Variants in LRFN5 observed in about 807,000 individuals in gnomAD.
LRFN5 encodes leucine-rich repeat and fibronectin type-III domain-containing protein 5.
In LRFN5, 24 loss-of-function variants were observed where a neutral mutation model predicts 45.6. The observed-to-expected ratio is 0.53, with a 90% confidence interval of 0.38 to 0.74. The LOEUF (loss-of-function observed/expected upper bound fraction) is 0.74, where lower values mean the gene tolerates loss of function less well. Among genes scored for constraint, LRFN5 ranks in the 30% least tolerant of loss-of-function variants. The pLI is 0.00. For synonymous variants in LRFN5, 340 were observed against 313.8 expected (o/e 1.08, Z -0.88); for missense variants, 776 against 861.5 (o/e 0.90, Z 1.24).
intron 1 of LRFN5, among the ~76,000 whole-genome samples, chr14:41,666,747 T>C (rs1372689706): frequency 6.6e-6 from 1 of 152,104 alleles, no homozygotes; most frequent in Non-Finnish European, 1.5e-5. Context: ...GAATATGAAG[T>C]TCTTTGGATG....
At chr14:41,843,662 C>G (rs192009835) in intron 2 of LRFN5, among the ~76,000 whole-genome samples, 48 of 152,106 alleles carry the variant, frequency 3.2e-4, no homozygotes, top group Non-Finnish European at 6.0e-4. Flanking sequence ...GCACCATTTA[C>G]CAAAAAGGCC....
intron 1 of LRFN5, chr14:41,731,837 A>C (rs1884192133): frequency 6.6e-6 from 1 of 152,216 alleles, no homozygotes; most frequent in Admixed American, 6.5e-5. Flanking sequence ...GGATATTCCA[A>C]ATTGGTGGTG....
Position 41,856,681 on chromosome 14 carries a change from T to TTATTTA in LRFN5, c.-20-29924_-20-29923insATTTAT, listed in dbSNP as rs1566486546. ...CCTAATTATTATTATTATTATTTTTTTTTTTTTTTTTTTGAGACGGAGTCT... is the reference window on the plus strand; with the variant it reads ...CCTAATTATTATTATTATTATTTTTTTATTTATTTTTTTTTTTTTGAGACGGAGTCT... On this transcript the variant is annotated intron_variant, in intron 2 of 5. Transcript: ENST00000298119. 4.2e-3 allele frequency among the ~76,000 whole-genome samples: 111 copies of TTATTTA among 26,258 alleles called. 5 individuals carry two copies. The highest frequency in any genetic ancestry group is 0.012 in the African/African-American group (88 of 7,570). The allele number at this position is 26,258 out of a possible 152,430, so 17.2% of individuals were successfully genotyped here.
At chr14:41,745,930 A>T (rs1884901385) in intron 1 of LRFN5, among the ~76,000 whole-genome samples, 1 of 152,094 alleles carries the variant, frequency 6.6e-6, no homozygotes, top group Non-Finnish European at 1.5e-5. Flanking sequence ...AATGAATTCT[A>T]CTAAACATTT....
In LRFN5 at chr14:41,686,355, G is replaced by C. The variant is rs1159942194; in HGVS notation, c.-197+77793G>C. On this transcript the variant is annotated intron_variant, in intron 1 of 5. Coordinates refer to ENST00000298119, the MANE Select transcript of LRFN5 (RefSeq NM_152447.5). ...TTGCTGAAGTTGCTTATCAGTTCAA[G>C]AAGTTCTGGGGCTGATACGATGGGG... 2.0e-5 allele frequency among the ~76,000 whole-genome samples: 3 copies of C among 152,132 alleles called. No individual in the cohort carries two copies. In the East Asian group the frequency reaches 5.8e-4, roughly 30 times the overall value.
chr14:41,663,157 A>T (rs1880734461), intron 1 of LRFN5, among the ~76,000 whole-genome samples: 1 of 152,134 alleles, frequency 6.6e-6, no homozygotes, highest in East Asian at 1.9e-4. Context: ...CTTTTTATTT[A>T]AAAAATGCTA....
intron 2 of LRFN5, among the ~76,000 whole-genome samples, chr14:41,846,634 A>G (rs942274581): frequency 6.6e-6 from 1 of 152,166 alleles, no homozygotes; most frequent in African/African-American, 2.4e-5. Flanking sequence ...TGTCATGTTT[A>G]TATTTTCTGC....
chr14:41,705,558 A>G (rs1290854027), intron 1 of LRFN5, among the ~76,000 whole-genome samples: 1 of 152,210 alleles, frequency 6.6e-6, no homozygotes, highest in Non-Finnish European at 1.5e-5. Context: ...TGATAGGATC[A>G]TATAAGACAT....
intron 2 of LRFN5, among the ~76,000 whole-genome samples, chr14:41,871,962 T>C (rs1890034704): frequency 6.6e-6 from 1 of 152,148 alleles, no homozygotes; most frequent in Non-Finnish European, 1.5e-5. Flanking sequence ...TTTACATTCT[T>C]ATAGTTAGGG....
At chr14:41,673,396 A>C (rs1594602241) in intron 1 of LRFN5, among the ~76,000 whole-genome samples, 2 of 118,748 alleles carry the variant, frequency 1.7e-5, no homozygotes, top group Admixed American at 8.3e-5. Flanking sequence ...CAGGGGGCTG[A>C]CCCGCCCCCC....
intron 2 of LRFN5, among the ~76,000 whole-genome samples, chr14:41,826,045 G>C (rs983154320): frequency 5.9e-5 from 9 of 152,142 alleles, no homozygotes; most frequent in African/African-American, 2.2e-4. Context: ...TTTAGTTCAA[G>C]TTGTGATGTT....
chr14:41,829,129 T>C (rs762299542), intron 2 of LRFN5, among the ~76,000 whole-genome samples: 3 of 151,982 alleles, frequency 2.0e-5, no homozygotes, highest in Non-Finnish European at 2.9e-5. Context: ...AGTACACTGC[T>C]TCTTCTTTAT....
chr14:41,637,226 G>A (rs1248626043), intron 1 of LRFN5, among the ~76,000 whole-genome samples: 1 of 152,066 alleles, frequency 6.6e-6, no homozygotes, highest in East Asian at 1.9e-4. Flanking sequence ...ATCCTAGTCA[G>A]GCTGTTTAAT....
intron 1 of LRFN5, among the ~76,000 whole-genome samples, chr14:41,727,426 A>G (rs1883983934): frequency 6.6e-6 from 1 of 151,792 alleles, no homozygotes; most frequent in South Asian, 2.1e-4. Context: ...CAGCAAAGCA[A>G]AAATCCGATC....
chr14:41,794,292 T>A (rs1357606742), intron 2 of LRFN5, among the ~76,000 whole-genome samples: 1 of 152,074 alleles, frequency 6.6e-6, no homozygotes, highest in Non-Finnish European at 1.5e-5. Context: ...GTCTAACATA[T>A]AATAATTCAA....
intron 4 of LRFN5, chr14:41,893,622 G>C: frequency 1.0e-6 from 1 of 985,326 alleles, no homozygotes; most frequent in Non-Finnish European, 1.2e-6. Context: ...CCTTCTGGTA[G>C]AAGCATATAC....
intron 2 of LRFN5, among the ~76,000 whole-genome samples, chr14:41,844,436 C>CAAAA (rs35445324): frequency 2.2e-5 from 3 of 138,552 alleles, no homozygotes; most frequent in Non-Finnish European, 3.1e-5. Context: ...GACTCCGTCT[C>CAAAA]AAAAAAAAAA....
At position 41,809,026 on chromosome 14, in the gene LRFN5, C is replaced by A. The variant is rs546704849; in HGVS notation, c.-21+41997C>A. ...TAGCAGAAATATGCCTGCTGTTGAA[C>A]TTTAGTTATGTGAAGCAGGAGGACA... On this transcript the variant is annotated intron_variant, in intron 2 of 5. Transcript: ENST00000298119. Among the ~76,000 whole-genome samples the A allele has an allele frequency of 7.2e-5, 11 of 152,076 alleles. 1 individual carries two copies. In the East Asian group the frequency reaches 2.1e-3, roughly 29 times the overall value.
At chr14:41,687,070 A>G (rs1033508489) in intron 1 of LRFN5, among the ~76,000 whole-genome samples, 3 of 152,192 alleles carry the variant, frequency 2.0e-5, no homozygotes, top group Non-Finnish European at 2.9e-5. Flanking sequence ...AACCTACAGA[A>G]TGGGAGAAAT....
Sources: gnomAD v4.1 joint callset for allele counts (sites outside exome capture counted in the v4.1 genomes callset) on GRCh38, gnomAD v4.1.1 for gene constraint, MANE v1.5 for transcripts, NCBI Gene and HGNC (gene_info 2026-07-23, HGNC 2026-07-21) for gene names.